The following SMCO2 variants were observed in gnomAD, a reference collection of about 807,000 sequenced individuals.
SMCO2 encodes single-pass membrane protein with coiled-coil domains 2.
In SMCO2, 25 loss-of-function variants were observed where a neutral mutation model predicts 29.5. The ratio of observed to expected loss-of-function variants is 0.85; its 90% confidence interval spans 0.62 to 1.18. The LOEUF (loss-of-function observed/expected upper bound fraction) is 1.18, where lower values mean the gene tolerates loss of function less well. Among genes scored for constraint, SMCO2 ranks in the 50% most tolerant of loss-of-function variants. SMCO2 has a pLI of 0.00. For missense variants in SMCO2, 348 were observed against 344.5 expected, an observed-to-expected ratio of 1.01 and a Z score of -0.08; for synonymous variants, 117 against 123.3, an observed-to-expected ratio of 0.95 and a Z score of 0.34.
intron 4 of SMCO2, among the ~76,000 whole-genome samples, chr12:27,480,011 C>T (rs1221586504): frequency 6.6e-6 from 1 of 152,152 alleles, no homozygotes; most frequent in Non-Finnish European, 1.5e-5. Flanking sequence ...GCCTCAAAAC[C>T]AGGGAAGCCA....
chr12:27,429,255 G>A, the SMCO2 span, among the ~76,000 whole-genome samples: 1 of 151,776 alleles, frequency 6.6e-6, no homozygotes, highest in Non-Finnish European at 1.5e-5. Context: ...TTATATAAAG[G>A]TGCTAAGAAG....
At chr12:27,484,830 C>T (rs1256777748) in intron 4 of SMCO2, among the ~76,000 whole-genome samples, 17 of 121,804 alleles carry the variant, frequency 1.4e-4, no homozygotes, top group Admixed American at 1.2e-3. Flanking sequence ...TCCAGCCTGG[C>T]GACAGAGTAA....
chr12:27,446,061 G>A, the SMCO2 span, among the ~76,000 whole-genome samples: 87 of 152,024 alleles, frequency 5.7e-4, 1 homozygote, highest in East Asian at 0.014. Flanking sequence ...CCACCAACAC[G>A]CCCAGCTACT....
intron 4 of SMCO2, among the ~76,000 whole-genome samples, chr12:27,482,185 A>G (rs932674599): frequency 4.4e-4 from 67 of 151,940 alleles, no homozygotes; most frequent in African/African-American, 1.3e-3. Context: ...ACTGCATCAA[A>G]CTGATTTTTA....
At chr12:27,435,524 CCTCT>C in the SMCO2 span, among the ~76,000 whole-genome samples, 25 of 142,028 alleles carry the variant, frequency 1.8e-4, no homozygotes, top group Non-Finnish European at 2.9e-4. Context: ...TGCTTTGTTA[CCTCT>C]CTCTCTCTCT....
At chr12:27,475,393 G>T (rs1949576699) in intron 4 of SMCO2, among the ~76,000 whole-genome samples, 189 bp from the exon 5 acceptor site, 1 of 152,056 alleles carries the variant, frequency 6.6e-6, no homozygotes, top group Admixed American at 6.6e-5. Context: ...AGTCTTTAAA[G>T]ATCTGCTAAA....
At chr12:27,472,956 A>C in intron 3 of SMCO2, 81 bp downstream of exon 3, 19 of 961,402 alleles carry the variant, frequency 2.0e-5, no homozygotes, top group African/African-American at 4.9e-5. Flanking sequence ...GCATATCTTA[A>C]AGTGGTAAGA....
chr12:27,437,839 C>A, the SMCO2 span, among the ~76,000 whole-genome samples: 1 of 152,238 alleles, frequency 6.6e-6, no homozygotes, highest in African/African-American at 2.4e-5. Flanking sequence ...TTCCCCTCAA[C>A]ACCTCAGTCT....
chr12:27,427,248 T>C, the SMCO2 span, among the ~76,000 whole-genome samples: 340 of 152,340 alleles, frequency 2.2e-3, no homozygotes, highest in Middle Eastern at 6.8e-3. Flanking sequence ...CAGAATTACA[T>C]GGAGGACTTG....
the SMCO2 span, among the ~76,000 whole-genome samples, chr12:27,429,315 A>G: frequency 6.6e-6 from 1 of 152,136 alleles, no homozygotes; most frequent in African/African-American, 2.4e-5. Context: ...GAAAAACCAT[A>G]GTCAACACTT....
chr12:27,431,460 G>A, the SMCO2 span, among the ~76,000 whole-genome samples: 1 of 152,120 alleles, frequency 6.6e-6, no homozygotes, highest in Non-Finnish European at 1.5e-5. Context: ...CCACTGTTCT[G>A]CTTTGTTTCT....
intron 1 of SMCO2, among the ~76,000 whole-genome samples, chr12:27,467,794 C>T (rs306637): frequency 0.13 from 19,808 of 152,116 alleles, 1,609 homozygotes; most frequent in African/African-American, 0.23. Flanking sequence ...CAGTTTCTTC[C>T]TCTGATAAAA....
chr12:27,474,241 C>T (rs1949565045), intron 3 of SMCO2, among the ~76,000 whole-genome samples: 1 of 152,138 alleles, frequency 6.6e-6, no homozygotes, highest in Non-Finnish European at 1.5e-5. Context: ...ATAAAACTTT[C>T]TCCTACAAAA....
chr12:27,433,595 G>A, the SMCO2 span, among the ~76,000 whole-genome samples: 2 of 151,910 alleles, frequency 1.3e-5, no homozygotes, highest in African/African-American at 2.4e-5. Context: ...CAGGAGAAAG[G>A]AAATTCTAAA....
At chr12:27,459,905 T>TG in the SMCO2 span, among the ~76,000 whole-genome samples, 1 of 152,190 alleles carries the variant, frequency 6.6e-6, no homozygotes, top group Non-Finnish European at 1.5e-5. Flanking sequence ...CAGGAAAATG[T>TG]GTTTTTTTTC....
chr12:27,501,071 A>G (rs1823800031), intron 7 of SMCO2, among the ~76,000 whole-genome samples: 1 of 150,622 alleles, frequency 6.6e-6, no homozygotes, highest in South Asian at 2.1e-4. Flanking sequence ...AATCATATCA[A>G]TAAAATATGT....
At chr12:27,502,100 G>A (rs1943087889) in exon 8 of SMCO2, 1 of 1,541,630 alleles carries the variant, frequency 6.5e-7, no homozygotes, top group African/African-American at 1.4e-5. Flanking sequence ...ATTTGGAAGT[G>A]GAAGCCTTGT....
At chr12:27,462,257 G>A (rs557617697), upstream of SMCO2, among the ~76,000 whole-genome samples, 17 of 152,192 alleles carry the variant, frequency 1.1e-4, no homozygotes, top group Non-Finnish European at 2.4e-4. Flanking sequence ...CTTGCTTAGA[G>A]TCTAACGGGA....
chr12:27,439,231 G>C, the SMCO2 span, among the ~76,000 whole-genome samples: 2 of 152,148 alleles, frequency 1.3e-5, no homozygotes, highest in Admixed American at 1.3e-4. Flanking sequence ...GTGGCTGTTA[G>C]GAGGTATGTT....
Sources: gnomAD v4.1 joint callset for allele counts (sites outside exome capture counted in the v4.1 genomes callset) on GRCh38, gnomAD v4.1.1 for gene constraint, MANE v1.5 for transcripts, NCBI Gene and HGNC (gene_info 2026-07-23, HGNC 2026-07-21) for gene names.